The following KIAA1217 variants were observed in gnomAD, a reference collection of about 807,000 sequenced individuals.
KIAA1217 encodes the protein sickle tail protein homolog.
Under a neutral mutation model 163.9 loss-of-function variants are expected in KIAA1217, and 88 were observed. That is an observed-to-expected ratio of 0.54 (90% CI 0.45 to 0.64). The LOEUF (loss-of-function observed/expected upper bound fraction) is 0.64. Ranked by LOEUF, KIAA1217 falls within the 30% of genes least tolerant of loss-of-function variation. KIAA1217 has a pLI of 0.00. For missense variants in KIAA1217, 2,372 were observed against 2,475.0 expected, an observed-to-expected ratio of 0.96 and a Z score of 0.88; for synonymous variants, 903 against 923.1, an observed-to-expected ratio of 0.98 and a Z score of 0.39.
intron 1 of KIAA1217, among the ~76,000 whole-genome samples, chr10:23,718,587 C>G (rs1837696525): frequency 6.6e-6 from 1 of 150,846 alleles, no homozygotes; most frequent in African/African-American, 2.4e-5. Flanking sequence ...AAAATTAAGA[C>G]TATTGTGATA....
At chr10:24,511,265 G>A (rs879049506) in intron 9 of KIAA1217, among the ~76,000 whole-genome samples, 2 of 151,456 alleles carry the variant, frequency 1.3e-5, no homozygotes, top group Admixed American at 1.3e-4. Flanking sequence ...CAAGGGAAGC[G>A]ACCAGATTGC....
Position 23,851,964 on chromosome 10 carries a change from G to T in KIAA1217, c.-320-155261G>T, listed in dbSNP as rs577928545. On this transcript the variant is annotated intron_variant, in intron 1 of 18. Transcript: ENST00000376462. Reference sequence around the variant, plus strand: ...AAAATTTTCTCCCATTTTGTGGGTTGCCTGTTCACTCCGATGGTAGTTTTT... The same window carrying T: ...AAAATTTTCTCCCATTTTGTGGGTTTCCTGTTCACTCCGATGGTAGTTTTT... Among the ~76,000 whole-genome samples, 11 of 152,204 alleles carry T rather than the reference G, an allele frequency of 7.2e-5. No homozygotes were observed. The East Asian group carries it at 2.1e-3, about 30-fold the overall frequency.
chr10:23,900,251 CCA>C (rs1201505197), intron 1 of KIAA1217, among the ~76,000 whole-genome samples: 1 of 152,058 alleles, frequency 6.6e-6, no homozygotes, highest in East Asian at 1.9e-4. Context: ...GGTGACCCGC[CCA>C]CCTCAGCCTC....
intron 1 of KIAA1217, among the ~76,000 whole-genome samples, chr10:23,817,960 CACAT>C (rs1443298421): frequency 1.6e-4 from 9 of 57,724 alleles, no homozygotes; most frequent in East Asian, 5.3e-4. Flanking sequence ...GGTGTGGTGG[CACAT>C]ATATATATAT....
chr10:23,890,976 C>G (rs2131214486), intron 1 of KIAA1217, among the ~76,000 whole-genome samples: 1 of 151,934 alleles, frequency 6.6e-6, no homozygotes, highest in African/African-American at 2.4e-5. Flanking sequence ...TCCTTTTTAC[C>G]ATTATACAGT....
chr10:24,415,064 G>A (rs2058115030), intron 3 of KIAA1217, among the ~76,000 whole-genome samples: 1 of 151,130 alleles, frequency 6.6e-6, no homozygotes, highest in Admixed American at 6.6e-5. Flanking sequence ...TCCCTGCATG[G>A]TTGGAGGCCC....
chr10:24,127,684 T>C (rs978085329), intron 2 of KIAA1217, among the ~76,000 whole-genome samples: 19 of 152,230 alleles, frequency 1.2e-4, no homozygotes, highest in African/African-American at 4.3e-4. Flanking sequence ...CTGCTGTTAA[T>C]GCTTCTCAGA....
chr10:23,965,783 G>T (rs1306136584), intron 1 of KIAA1217, among the ~76,000 whole-genome samples: 1 of 152,168 alleles, frequency 6.6e-6, no homozygotes, highest in Non-Finnish European at 1.5e-5. Flanking sequence ...CCAGTTTCTA[G>T]TGCTTGAGGC....
chr10:24,028,169 C>T (rs1394009202), intron 2 of KIAA1217, among the ~76,000 whole-genome samples: 3 of 151,760 alleles, frequency 2.0e-5, no homozygotes, highest in South Asian at 2.1e-4. Context: ...AAGAGTCCCA[C>T]GAAAATGGAA....
intron 2 of KIAA1217, among the ~76,000 whole-genome samples, chr10:24,366,814 TGG>T (rs1301310099): frequency 2.0e-5 from 3 of 152,238 alleles, no homozygotes; most frequent in African/African-American, 7.2e-5. Flanking sequence ...CCTGCAGCTC[TGG>T]GACAACCTCA....
At chr10:23,866,022 T>G (rs558129099) in intron 1 of KIAA1217, among the ~76,000 whole-genome samples, 9 of 152,314 alleles carry the variant, frequency 5.9e-5, no homozygotes, top group African/African-American at 1.7e-4. Flanking sequence ...CGAACATACA[T>G]ATGCTGTATT....
chr10:23,851,613 G>C (rs1021666149), intron 1 of KIAA1217, among the ~76,000 whole-genome samples: 1 of 152,066 alleles, frequency 6.6e-6, no homozygotes, highest in Non-Finnish European at 1.5e-5. Context: ...GGTTGAACTA[G>C]TTTACAGTCC....
At chr10:24,177,258 C>CATTCATAT (rs1224617801) in intron 2 of KIAA1217, among the ~76,000 whole-genome samples, 9 of 25,146 alleles carry the variant, frequency 3.6e-4, no homozygotes, top group Admixed American at 3.1e-3. Context: ...CTCTCACCAT[C>CATTCATAT]ATATATATAT....
chr10:24,368,163 A>G (rs1191663387), intron 2 of KIAA1217, among the ~76,000 whole-genome samples: 2 of 152,202 alleles, frequency 1.3e-5, no homozygotes, highest in Non-Finnish European at 2.9e-5. Flanking sequence ...TTTTATTCTT[A>G]ATCATTTTCA....
At position 24,521,861 on chromosome 10, in the gene KIAA1217, G is replaced by A; in HGVS notation, c.2388G>A (p.Glu796=). Residue 796 remains glutamate, a synonymous_variant, in exon 12 of 21, where the codon GAG becomes GAA. Transcript: ENST00000376454. ...EVEAVRFLKE[E]PHKLDSLLKR... ...AGGCCGTGCGGTTTCTGAAGGAGGA[G>A]CCACACAAGCTGGACAGTCTCCTGA... is the stretch of plus-strand genomic sequence containing the variant. 6.2e-7 allele frequency: 1 copy of A among 1,613,886 alleles called. No individual in the cohort carries two copies. The highest frequency in any genetic ancestry group is 8.5e-7 in the Non-Finnish European group (1 of 1,180,034).
At chr10:24,533,890 C>T (rs1247624281) in intron 16 of KIAA1217, among the ~76,000 whole-genome samples, 1 of 152,256 alleles carries the variant, frequency 6.6e-6, no homozygotes, top group Non-Finnish European at 1.5e-5. Context: ...ACTGATCCCA[C>T]ATTCCCATCA....
At chr10:24,162,085 G>T (rs1160814253) in intron 2 of KIAA1217, among the ~76,000 whole-genome samples, 1 of 152,164 alleles carries the variant, frequency 6.6e-6, no homozygotes, top group African/African-American at 2.4e-5. Context: ...TCCCCAAACT[G>T]CAAGTATTTT....
intron 3 of KIAA1217, among the ~76,000 whole-genome samples, chr10:24,392,938 AT>A (rs1185546145): frequency 6.6e-6 from 1 of 151,424 alleles, no homozygotes; most frequent in Non-Finnish European, 1.5e-5. Context: ...TACACACATT[AT>A]TTTTTTTTAA....
At chr10:24,525,027 C>CCTGTAGGAAGGGG (rs1347875286) in intron 13 of KIAA1217, among the ~76,000 whole-genome samples, 1 of 151,008 alleles carries the variant, frequency 6.6e-6, no homozygotes, top group East Asian at 1.9e-4. Flanking sequence ...GGTGAGACAG[C>CCTGTAGGAAGGGG]AGTGTGCTGG....
Sources: gnomAD v4.1 joint callset for allele counts (sites outside exome capture counted in the v4.1 genomes callset) on GRCh38, gnomAD v4.1.1 for gene constraint, MANE v1.5 for transcripts, NCBI Gene and HGNC (gene_info 2026-07-23, HGNC 2026-07-21) for gene names.